The following SGCG variants were observed in gnomAD, a reference collection of about 807,000 sequenced individuals.
The protein encoded by SGCG is sarcoglycan gamma.
A neutral mutation model predicts 29.3 loss-of-function variants in SGCG; 26 were observed. The observed-to-expected ratio is 0.89, with a 90% CI of 0.65 to 1.23. SGCG has a LOEUF of 1.23. Among genes scored for constraint, SGCG ranks in the 50% most tolerant of loss-of-function variants. The pLI, the probability that SGCG is intolerant of heterozygous loss-of-function variation, is 0.00. For missense variants in SGCG, 353 were observed against 356.0 expected (o/e 0.99, Z 0.07); for synonymous variants, 145 against 129.7 (o/e 1.12, Z -0.80).
At chr13:23,172,107 A>C in the SGCG span, among the ~76,000 whole-genome samples, 3 of 152,122 alleles carry the variant, frequency 2.0e-5, no homozygotes, top group African/African-American at 7.2e-5. Flanking sequence ...CCTTACCCAT[A>C]CTTTTATTCC....
At chr13:23,166,261 T>A in the SGCG span, among the ~76,000 whole-genome samples, 1 of 152,126 alleles carries the variant, frequency 6.6e-6, no homozygotes, top group Non-Finnish European at 1.5e-5. Context: ...TGAGGCAGAG[T>A]CTCGGCTCAC....
intron 6 of SGCG, among the ~76,000 whole-genome samples, chr13:23,305,780 G>C (rs1032408567): frequency 6.6e-6 from 1 of 152,112 alleles, no homozygotes. Context: ...TTAATATGGG[G>C]TATTACATTA....
chr13:23,305,428 T>C (rs994549046), intron 6 of SGCG, among the ~76,000 whole-genome samples: 4 of 152,220 alleles, frequency 2.6e-5, no homozygotes, highest in African/African-American at 9.6e-5. Flanking sequence ...TGATGATTGA[T>C]TCACTGGGAT....
Position 23,273,840 on chromosome 13 carries a change from T to A in SGCG, c.386-5519T>A, listed in dbSNP as rs117039885. ...GTGCCCCGGGCACTTGAGGAGAGTG[T>A]GCATCCTCCATTATCAGGACTTCAC... On this transcript the variant is annotated intron_variant, in intron 4 of 7. Transcript: ENST00000218867. Among the ~76,000 whole-genome samples the A allele has an allele frequency of 4.7e-4, 71 of 152,306 alleles. 1 individual carries two copies. In the East Asian group the frequency reaches 0.012, roughly 27 times the overall value.
intron 6 of SGCG, among the ~76,000 whole-genome samples, chr13:23,302,419 T>G (rs898955639): frequency 2.6e-5 from 4 of 152,048 alleles, no homozygotes; most frequent in African/African-American, 9.7e-5. Flanking sequence ...TCTTCCTATG[T>G]AAGTTGTAAT....
chr13:23,168,522 T>C, the SGCG span, among the ~76,000 whole-genome samples: 1 of 152,218 alleles, frequency 6.6e-6, no homozygotes, highest in Admixed American at 6.5e-5. Context: ...CTCGTGCCTT[T>C]GCCATACAGC....
intron 4 of SGCG, among the ~76,000 whole-genome samples, chr13:23,271,661 GT>G (rs1044790808): frequency 6.6e-6 from 1 of 151,952 alleles, no homozygotes; most frequent in Non-Finnish European, 1.5e-5. Context: ...ATTCTTGTAT[GT>G]TTGTTTTTAC....
intron 4 of SGCG, among the ~76,000 whole-genome samples, chr13:23,255,237 G>C (rs1880134118): frequency 6.6e-6 from 1 of 152,224 alleles, no homozygotes; most frequent in Admixed American, 6.5e-5. Flanking sequence ...AAAGCCACAG[G>C]AGTGGTGCTG....
the SGCG span, among the ~76,000 whole-genome samples, chr13:23,166,051 A>G: frequency 1.3e-5 from 2 of 151,924 alleles, no homozygotes; most frequent in Non-Finnish European, 2.9e-5. Flanking sequence ...GTCCTATTGC[A>G]TTACCTAGGA....
chr13:23,170,246 T>C, the SGCG span, among the ~76,000 whole-genome samples: 8 of 152,318 alleles, frequency 5.3e-5, no homozygotes, highest in African/African-American at 1.7e-4. Flanking sequence ...GGAACTGGGC[T>C]GGGTGATATA....
rs545726788 is a variant in SGCG, at chr13:23,234,328, TA to T, written c.196-276del. 1.8e-3 allele frequency among the ~76,000 whole-genome samples: 273 copies of T among 149,748 alleles called. 1 individual carries two copies. Among genetic ancestry groups the T allele is most frequent in the African/African-American group, 6.2e-3 (251 of 40,700 alleles). On this transcript the variant is annotated intron_variant, in intron 2 of 7. Coordinates refer to ENST00000218867, the MANE Select transcript of SGCG (RefSeq NM_000231.3). ...TATTGTACCTTAATTTAATTTTTTT[TA>T]AAAAAATGGATTCTTTTTCTTACAT...
chr13:23,281,956 A>T (rs1881321977), intron 5 of SGCG, among the ~76,000 whole-genome samples: 1 of 152,186 alleles, frequency 6.6e-6, no homozygotes, highest in Non-Finnish European at 1.5e-5. Flanking sequence ...GACAAGTTAT[A>T]ATCTTCTCTT....
At chr13:23,299,747 C>T (rs906099733) in intron 6 of SGCG, among the ~76,000 whole-genome samples, 2 of 152,018 alleles carry the variant, frequency 1.3e-5, no homozygotes, top group Admixed American at 6.5e-5. Flanking sequence ...CCACCGTGCC[C>T]GGCCTTAGAT....
chr13:23,293,998 C>T (rs1226899064), intron 5 of SGCG, among the ~76,000 whole-genome samples: 1 of 152,104 alleles, frequency 6.6e-6, no homozygotes, highest in Admixed American at 6.5e-5. Flanking sequence ...GTAATTGTTT[C>T]ATTATAGAAG....
the SGCG span, among the ~76,000 whole-genome samples, chr13:23,167,887 A>G: frequency 4.6e-5 from 7 of 151,968 alleles, no homozygotes; most frequent in Admixed American, 3.9e-4. Flanking sequence ...GCGTGCCATC[A>G]CACCATACTA....
intron 3 of SGCG, among the ~76,000 whole-genome samples, chr13:23,248,260 A>AT (rs1460465857): frequency 1.3e-5 from 2 of 152,144 alleles, no homozygotes. Flanking sequence ...CTCTCCCTGC[A>AT]TTTTTGTGTG....
rs377350607 is a variant in SGCG at position 23,261,961 on chromosome 13, T to C, written c.385+11244T>C. Among the ~76,000 whole-genome samples the C allele has an allele frequency of 4.6e-4, 70 of 152,166 alleles. 1 individual carries two copies. The highest frequency in any genetic ancestry group is 1.7e-3 in the African/African-American group (69 of 41,566). Reference sequence around the variant, plus strand: ...TCTTTATCAGACAAGCAAATGCTGATGGAATTTGTCAGCACTAGACTAACC... The same window carrying C: ...TCTTTATCAGACAAGCAAATGCTGACGGAATTTGTCAGCACTAGACTAACC... On this transcript the variant is annotated intron_variant, in intron 4 of 7. Coordinates refer to ENST00000218867, the MANE Select transcript of SGCG (RefSeq NM_000231.3).
chr13:23,312,826 A>AG (rs2137512582), intron 6 of SGCG, among the ~76,000 whole-genome samples: 1 of 151,948 alleles, frequency 6.6e-6, no homozygotes, highest in South Asian at 2.1e-4. Flanking sequence ...ACATTTGAAA[A>AG]AAAATGGTGT....
At chr13:23,229,340 TGTTA>T (rs1879021429) in intron 2 of SGCG, among the ~76,000 whole-genome samples, 1 of 152,250 alleles carries the variant, frequency 6.6e-6, no homozygotes, top group African/African-American at 2.4e-5. Flanking sequence ...CTGGGCTGAA[TGTTA>T]GTTCTGTTTT....
Sources: allele counts gnomAD v4.1 joint callset (sites outside exome capture counted in the v4.1 genomes callset), GRCh38; gene constraint gnomAD v4.1.1; transcripts MANE v1.5; gene names NCBI Gene and HGNC (gene_info 2026-07-23, HGNC 2026-07-21).